The following RGS12 variants were observed in gnomAD, a reference collection of about 807,000 sequenced individuals.
RGS12 encodes regulator of G-protein signaling 12.
In RGS12, 66 loss-of-function variants were observed where a neutral mutation model predicts 120.1. The observed-to-expected ratio is 0.55, with a 90% CI of 0.45 to 0.67. The LOEUF is 0.67. RGS12 is among the 30% of genes least tolerant of loss of function. The pLI, the probability that RGS12 is intolerant of heterozygous loss-of-function variation, is 0.00. For synonymous variants in RGS12, 827 were observed against 804.7 expected, an observed-to-expected ratio of 1.03 and a Z score of -0.47; for missense variants, 1,859 against 1,957.7, an observed-to-expected ratio of 0.95 and a Z score of 0.95.
intron 3 of RGS12, among the ~76,000 whole-genome samples, chr4:3,383,862 T>A (rs967640388): frequency 2.6e-5 from 4 of 152,178 alleles, no homozygotes; most frequent in Non-Finnish European, 5.9e-5. Context: ...CACCTTCTCC[T>A]TCAGTCTGTT....
chr4:3,306,558 C>T (rs1021256693), intron 1 of RGS12, among the ~76,000 whole-genome samples: 1 of 152,218 alleles, frequency 6.6e-6, no homozygotes, highest in Non-Finnish European at 1.5e-5. Flanking sequence ...CATGTGGCAC[C>T]CTCTGCTCCT....
intron 3 of RGS12, among the ~76,000 whole-genome samples, chr4:3,357,343 A>G (rs1342703092): frequency 4.6e-5 from 7 of 152,028 alleles, no homozygotes; most frequent in African/African-American, 1.7e-4. Flanking sequence ...TTTTTACTCT[A>G]TTGATATTAT....
At chr4:3,321,445 G>C (rs1230874409) in intron 2 of RGS12, among the ~76,000 whole-genome samples, 12 of 152,210 alleles carry the variant, frequency 7.9e-5, no homozygotes, top group Non-Finnish European at 1.0e-4. Context: ...TGAGCCCCTG[G>C]GCAGGAGCCA....
In RGS12 at chr4:3,322,831, C is replaced by T. The variant is rs112718530; in HGVS notation, c.1881+4780C>T. On this transcript the variant is annotated intron_variant, in intron 2 of 17. Coordinates refer to ENST00000336727, the MANE Select transcript of RGS12 (RefSeq NM_001394154.1). ...ATAAAGACTCGCTGAGGTGCTCAGT[C>T]GTTTGTAGGTACTCCCAGGAGTCCT... Among the ~76,000 whole-genome samples the T allele has an allele frequency of 9.8e-4, 149 of 152,278 alleles. 3 individuals carry two copies. Among genetic ancestry groups the T allele is most frequent in the Middle Eastern group, 3.4e-3 (1 of 294 alleles).
At chr4:3,287,616 T>G in the RGS12 span, among the ~76,000 whole-genome samples, 2 of 152,256 alleles carry the variant, frequency 1.3e-5, no homozygotes, top group East Asian at 3.8e-4. Flanking sequence ...TCTACTTAAT[T>G]AATGCATATT....
chr4:3,353,069 A>G (rs1343198695), intron 3 of RGS12, among the ~76,000 whole-genome samples: 3 of 152,212 alleles, frequency 2.0e-5, no homozygotes, highest in African/African-American at 4.8e-5. Context: ...TGGTGTGCCA[A>G]GGCCTCCGGC....
At chr4:3,419,804 C>T (rs928773246) in intron 9 of RGS12, among the ~76,000 whole-genome samples, 4 of 152,126 alleles carry the variant, frequency 2.6e-5, no homozygotes, top group Non-Finnish European at 4.4e-5. Context: ...CTGGGGGACA[C>T]AGCGACGCTC....
intron 17 of RGS12, among the ~76,000 whole-genome samples, chr4:3,434,677 C>T (rs1376145775): frequency 6.6e-6 from 1 of 152,226 alleles, no homozygotes; most frequent in Non-Finnish European, 1.5e-5. Flanking sequence ...CAAAAGGTCG[C>T]GTGCACCCAC....
chr4:3,429,726 T>C (rs2109224361), intron 16 of RGS12, among the ~76,000 whole-genome samples: 1 of 152,276 alleles, frequency 6.6e-6, no homozygotes, highest in Admixed American at 6.5e-5. Flanking sequence ...GCCCCCACAG[T>C]GGCTGGGCAG....
At position 3,389,508 on chromosome 4, in the gene RGS12, C is replaced by T. The variant is rs1353643239; in HGVS notation, c.2020+3071C>T. ...TGCTCCTGGAAAAAGGAACCTCTCA[C>T]CTCTCCTGGTCTGGCTCTGCACAGA... is the stretch of plus-strand genomic sequence containing the variant. On this transcript the variant is annotated intron_variant, in intron 4 of 17. Coordinates refer to ENST00000336727, the MANE Select transcript of RGS12 (RefSeq NM_001394154.1). This position sits in a 1 kb window ranked among gnomAD's most constrained non-coding sequence, Gnocchi z 5.2. Among the ~76,000 whole-genome samples the T allele has an allele frequency of 1.3e-5, 2 of 152,186 alleles. No individual in the cohort carries two copies. Among genetic ancestry groups the T allele is most frequent in the Admixed American group, 1.3e-4 (2 of 15,278 alleles).
rs1286539588 is a variant in RGS12 at position 3,416,051 on chromosome 4, G to A, written c.2357G>A (p.Ser786Asn). Residue 786 changes from serine to asparagine, a missense_variant, in exon 7 of 18, where the codon AGC (serine) becomes AAC (asparagine). Ser to Asn is a conservative substitution (Grantham distance 46, BLOSUM62 1). Transcript: ENST00000336727. ...SKATTPVNID[S>N]QAQLADDVLR... The stretch of plus-strand genomic sequence containing the variant: ...GCCACCACCCCGGTCAACATCGACA[G>A]CCAGGCCCAGCTAGCAGACGACGTC... 2.5e-6 allele frequency: 4 copies of A among 1,613,968 alleles called. No individual in the cohort carries two copies. In the Admixed American group the frequency reaches 6.7e-5, roughly 27 times the overall value.
chr4:3,375,106 G>T (rs377408707), intron 3 of RGS12, among the ~76,000 whole-genome samples: 1 of 152,154 alleles, frequency 6.6e-6, no homozygotes, highest in African/African-American at 2.4e-5. Context: ...AGGAGGGGTC[G>T]GAGCTCAGGG....
intron 2 of RGS12, among the ~76,000 whole-genome samples, chr4:3,322,340 A>G (rs1725257849): frequency 6.6e-6 from 1 of 152,136 alleles, no homozygotes; most frequent in African/African-American, 2.4e-5. Flanking sequence ...GGGTGAGATG[A>G]TGTTTGGAAG....
intron 1 of RGS12, among the ~76,000 whole-genome samples, chr4:3,300,754 C>T (rs1300594542): frequency 6.6e-6 from 1 of 152,244 alleles, no homozygotes; most frequent in Non-Finnish European, 1.5e-5. Flanking sequence ...ACGTGGCTTT[C>T]TCTGGGTCTG....
At chr4:3,304,606 G>A (rs548582150) in intron 1 of RGS12, among the ~76,000 whole-genome samples, 4 of 152,268 alleles carry the variant, frequency 2.6e-5, no homozygotes, top group African/African-American at 4.8e-5. Flanking sequence ...ATTAGACTTC[G>A]CTTGTGAGAT....
At chr4:3,411,571 C>T (rs952256534) in intron 4 of RGS12, among the ~76,000 whole-genome samples, 6 of 152,238 alleles carry the variant, frequency 3.9e-5, no homozygotes, top group Admixed American at 6.5e-5. Context: ...AGGCAAGTAT[C>T]GGCGTGATAT....
chr4:3,328,550 C>T (rs1021725418), intron 2 of RGS12, among the ~76,000 whole-genome samples: 16 of 152,112 alleles, frequency 1.1e-4, no homozygotes, highest in African/African-American at 3.1e-4. Flanking sequence ...ACCTCCAGGA[C>T]GGTGATGAAT....
Position 3,305,512 on chromosome 4 carries a change from C to T in RGS12, c.-101-10558C>T, listed in dbSNP as rs551145279. ...GCAGCTCCTGGGGTGCACGGTACCC[C>T]GGTCTATTGACCTGAACTAGAGAGA... On this transcript the variant is annotated intron_variant, in intron 1 of 17. Coordinates refer to ENST00000336727, the MANE Select transcript of RGS12 (RefSeq NM_001394154.1). 2.4e-4 allele frequency among the ~76,000 whole-genome samples: 36 copies of T among 152,346 alleles called. No homozygotes were observed. In the South Asian group the frequency reaches 2.7e-3, roughly 11 times the overall value.
intron 4 of RGS12, among the ~76,000 whole-genome samples, chr4:3,393,138 T>C (rs1719674010): frequency 6.6e-6 from 1 of 152,256 alleles, no homozygotes; most frequent in Non-Finnish European, 1.5e-5. Context: ...TTCATTTGTC[T>C]GGCAGTTCTT....
Sources: allele counts gnomAD v4.1 joint callset (sites outside exome capture counted in the v4.1 genomes callset), GRCh38; gene constraint gnomAD v4.1.1; non-coding constraint Gnocchi (gnomAD v3.1); transcripts MANE v1.5; gene names NCBI Gene and HGNC (gene_info 2026-07-23, HGNC 2026-07-21).